Variants in ABHD12 observed in about 807,000 individuals in gnomAD.
ABHD12 encodes the protein lysophosphatidylserine lipase ABHD12.
ABHD12 carries 43 observed loss-of-function variants against 58.3 expected under a neutral mutation model. The observed-to-expected ratio is 0.74, with a 90% CI of 0.58 to 0.95. ABHD12 has a LOEUF of 0.95. Ranked by LOEUF, ABHD12 falls within the 40% of genes least tolerant of loss-of-function variation. ABHD12 has a pLI of 0.00. For missense variants in ABHD12, 539 were observed against 537.2 expected, an observed-to-expected ratio of 1.00 and a Z score of -0.03; for synonymous variants, 219 against 211.2, an observed-to-expected ratio of 1.04 and a Z score of -0.32.
chr20:25,308,107 T>TGG, intron 8 of ABHD12, 62 bp from the exon 9 acceptor site: 1 of 1,209,984 alleles, frequency 8.3e-7, no homozygotes, highest in Non-Finnish European at 1.2e-6. Flanking sequence ...ATGTGGCCTG[T>TGG]GGGGCTCTGA....
chr20:25,381,475 A>T (rs1006194838), intron 1 of ABHD12, among the ~76,000 whole-genome samples: 1 of 152,220 alleles, frequency 6.6e-6, no homozygotes. Context: ...GTATTGCTAC[A>T]AATGCTCTAA....
At chr20:25,296,926 G>A, downstream of ABHD12, 1 of 178,092 alleles carries the variant, frequency 5.6e-6, no homozygotes, top group Non-Finnish European at 1.2e-5. Flanking sequence ...AGTGAAGCCT[G>A]GGAATGAGTG....
At position 25,308,146 on chromosome 20, in the gene ABHD12, C is replaced by CA. The variant is rs1436558181; in HGVS notation, c.788-102dup. The stretch of plus-strand genomic sequence containing the variant: ...GCCCCCAGAAAGCACAAGGAGACCA[C>CA]AGCGCCTCCCACCAGGCAACCACCT... On this transcript the variant is annotated intron_variant, in intron 8 of 12. Transcript: ENST00000339157. 4.7e-6 allele frequency: 4 copies of CA among 859,982 alleles called. No homozygotes were observed. In the East Asian group the frequency reaches 9.6e-5, roughly 21 times the overall value. 53.3% of individuals were successfully genotyped at this position (859,982 alleles called of 1,614,324 possible).
chr20:25,349,773 G>A (rs184438947), intron 1 of ABHD12, among the ~76,000 whole-genome samples: 299 of 152,260 alleles, frequency 2.0e-3, no homozygotes, highest in African/African-American at 6.7e-3. Context: ...ATTGCTTAAC[G>A]GTTTCAGAGT....
chr20:25,350,959 T>TCACACACACA (rs61061019), intron 1 of ABHD12, among the ~76,000 whole-genome samples: 61 of 142,314 alleles, frequency 4.3e-4, no homozygotes, highest in East Asian at 1.9e-3. Flanking sequence ...TACGAATCCT[T>TCACACACACA]CACACACACA....
In ABHD12 at chr20:25,322,379, A is replaced by T. The variant is rs865973318; in HGVS notation, c.422+946T>A. Among the ~76,000 whole-genome samples the T allele has an allele frequency of 1.6e-3, 85 of 53,686 alleles. 4 individuals carry two copies. The highest frequency in any genetic ancestry group is 0.013 in the Middle Eastern group (1 of 76). 35.2% of individuals were successfully genotyped at this position (53,686 alleles called of 152,430 possible). The stretch of plus-strand genomic sequence containing the variant: ...TTGGAAAAGATATATATATATATAT[A>T]TATTTTTTTTTTTTTTTGAGACAAG... On this transcript the variant is annotated intron_variant, in intron 3 of 12. Transcript: ENST00000339157.
At chr20:25,351,342 C>T (rs1460668516) in intron 1 of ABHD12, among the ~76,000 whole-genome samples, 1 of 152,172 alleles carries the variant, frequency 6.6e-6, no homozygotes, top group Non-Finnish European at 1.5e-5. Flanking sequence ...ATTACTGTCC[C>T]ATGATTAGTG....
intron 1 of ABHD12, among the ~76,000 whole-genome samples, chr20:25,344,909 A>C (rs1487986987): frequency 6.6e-6 from 1 of 152,230 alleles, no homozygotes; most frequent in African/African-American, 2.4e-5. Flanking sequence ...GATCTTTTCC[A>C]CAAATGGTGC....
chr20:25,314,901 AT>A (rs1341428964), intron 6 of ABHD12, 23 bp downstream of exon 6: 1 of 1,613,786 alleles, frequency 6.2e-7, no homozygotes, highest in Non-Finnish European at 8.5e-7. Flanking sequence ...TTGTGCTCAG[AT>A]GCTCTTGCAA....
At chr20:25,373,117 T>C (rs2089919118) in intron 1 of ABHD12, among the ~76,000 whole-genome samples, 1 of 152,204 alleles carries the variant, frequency 6.6e-6, no homozygotes, top group Admixed American at 6.5e-5. Context: ...CCGTACCATC[T>C]ATGTTTGTGT....
At chr20:25,299,007 A>C (rs2088593312), downstream of ABHD12, among the ~76,000 whole-genome samples, 1 of 152,228 alleles carries the variant, frequency 6.6e-6, no homozygotes, top group African/African-American at 2.4e-5. Context: ...CACCCTGGGT[A>C]GGGCACTTGG....
At chr20:25,376,731 T>C (rs2089966832) in intron 1 of ABHD12, among the ~76,000 whole-genome samples, 1 of 152,198 alleles carries the variant, frequency 6.6e-6, no homozygotes, top group South Asian at 2.1e-4. Flanking sequence ...CTGGGATTTG[T>C]CCCACTCTTG....
intron 1 of ABHD12, among the ~76,000 whole-genome samples, chr20:25,342,146 A>G (rs1167541774): frequency 6.6e-6 from 1 of 151,322 alleles, no homozygotes; most frequent in Admixed American, 6.6e-5. Context: ...CTTTACTCAC[A>G]GTAGCCAAAA....
intron 1 of ABHD12, among the ~76,000 whole-genome samples, chr20:25,357,040 T>C (rs1481388350): frequency 1.3e-5 from 2 of 152,136 alleles, no homozygotes. Context: ...GAAATATAAC[T>C]AGAAGGCCCG....
At chr20:25,379,712 C>T (rs893823897) in intron 1 of ABHD12, among the ~76,000 whole-genome samples, 2 of 152,166 alleles carry the variant, frequency 1.3e-5, no homozygotes, top group African/African-American at 4.8e-5. Flanking sequence ...TATCCTATAG[C>T]ATAGTGATGC....
chr20:25,297,530 C>G (rs1039244529), downstream of ABHD12: 1 of 152,344 alleles, frequency 6.6e-6, no homozygotes, highest in African/African-American at 2.4e-5. Context: ...GAAAAAGGAC[C>G]AGGGGTCCCG....
intron 1 of ABHD12, among the ~76,000 whole-genome samples, chr20:25,386,690 G>C (rs1213744643): frequency 6.6e-6 from 1 of 152,102 alleles, no homozygotes; most frequent in Non-Finnish European, 1.5e-5. Flanking sequence ...AGTCCAGCCT[G>C]GTCAACATGG....
chr20:25,296,044 G>C (rs2258769), downstream of ABHD12, among the ~76,000 whole-genome samples: 68,403 of 151,998 alleles, frequency 0.45, 16,013 homozygotes, highest in East Asian at 0.92. Flanking sequence ...GACTGCCTGG[G>C]CATGTCCCCT....
At chr20:25,333,991 T>C (rs2089321087) in intron 2 of ABHD12, among the ~76,000 whole-genome samples, 1 of 152,130 alleles carries the variant, frequency 6.6e-6, no homozygotes, top group African/African-American at 2.4e-5. Context: ...TAAAGGGTAT[T>C]CAATTAGGAA....
Sources: gnomAD v4.1 joint callset for allele counts (sites outside exome capture counted in the v4.1 genomes callset) on GRCh38, gnomAD v4.1.1 for gene constraint, MANE v1.5 for transcripts, NCBI Gene and HGNC (gene_info 2026-07-23, HGNC 2026-07-21) for gene names.